TREML4: variants seen among roughly 807,000 people sequenced by gnomAD.
TREML4 encodes trem-like transcript 4 protein.
A neutral mutation model predicts 25.4 loss-of-function variants in TREML4; 25 were observed. The observed-to-expected ratio is 0.98, with a 90% confidence interval of 0.72 to 1.37. The LOEUF is 1.37. Ranked by LOEUF, TREML4 falls within the 40% of genes most tolerant of loss-of-function variation. TREML4 has a pLI of 0.00. For synonymous variants in TREML4, 92 were observed against 87.9 expected (o/e 1.05, Z -0.26); for missense variants, 268 against 236.5 (o/e 1.13, Z -0.87).
chr6:41,229,977 C>G, intron 3 of TREML4, 85 bp from the exon 4 acceptor site: 1 of 1,178,296 alleles, frequency 8.5e-7, no homozygotes, highest in Non-Finnish European at 1.3e-6. Context: ...GGCCCCTCTC[C>G]CCTTCCTCTC....
intron 4 of TREML4, among the ~76,000 whole-genome samples, chr6:41,232,211 G>T (rs1766813225): frequency 6.6e-6 from 1 of 152,212 alleles, no homozygotes. Flanking sequence ...GCCTCAGAAG[G>T]TTTGCCACAT....
At position 41,236,633 on chromosome 6, in the gene TREML4, T is replaced by A. The variant is rs1326460773; in HGVS notation, c.*35+16T>A. 5 of 1,456,846 alleles carry A rather than the reference T, an allele frequency of 3.4e-6. No homozygotes were observed. Among genetic ancestry groups the A allele is most frequent in the Middle Eastern group, 1.8e-4 (1 of 5,484 alleles). 90.2% of individuals were successfully genotyped at this position (1,456,846 alleles called of 1,614,324 possible). On this transcript the variant is annotated intron_variant, in intron 5 of 5. Coordinates refer to ENST00000341495, the MANE Select transcript of TREML4 (RefSeq NM_198153.3). Reference sequence around the variant, plus strand: ...GGTGCCACAGGTGAGGGGGCCTGGATTTCACCTGGGGGCAATGGAGCTGGG... The same window carrying A: ...GGTGCCACAGGTGAGGGGGCCTGGAATTCACCTGGGGGCAATGGAGCTGGG...
chr6:41,238,812 G>T lies in TREML4; in HGVS notation c.*1793G>T, dbSNP rs1188974429. The T allele has an allele frequency of 6.6e-6, 1 of 152,096 alleles. No individual in the cohort carries two copies. The highest frequency in any genetic ancestry group is 1.9e-4 in the East Asian group (1 of 5,196). The allele number at this position is 152,096 out of a possible 1,614,324, so 9.4% of individuals were successfully genotyped here. A position where few individuals can be genotyped will look rare whatever the true frequency, so the allele number is the denominator to read the frequency against. On this transcript the variant is annotated 3_prime_UTR_variant, in exon 6 of 6. Coordinates refer to ENST00000341495, the MANE Select transcript of TREML4 (RefSeq NM_198153.3). ...ACGTAGCTGAGTGATGCTACATGGGGCTAGATATATGATTATCTCTACTTT... is the reference window on the plus strand; with the variant it reads ...ACGTAGCTGAGTGATGCTACATGGGTCTAGATATATGATTATCTCTACTTT...
intron 4 of TREML4, 75 bp downstream of exon 4, chr6:41,230,197 C>A: frequency 7.9e-7 from 1 of 1,260,192 alleles, no homozygotes; most frequent in Non-Finnish European, 1.2e-6. Flanking sequence ...ACCTTGGAAT[C>A]AAGTCCAGGG....
rs1766901688 is a variant in TREML4, at chr6:41,236,384, C to T, written c.507-102C>T. The T allele has an allele frequency of 5.1e-6, 5 of 971,326 alleles. No homozygotes were observed. In the South Asian group the frequency reaches 7.3e-5, roughly 14 times the overall value. The allele number at this position is 971,326 out of a possible 1,614,324, so 60.2% of individuals were successfully genotyped here. Reference sequence around the variant, plus strand: ...TCATCGTTCAGGGTGGGCCCTTACGCAAACAGCTCCAGCTACAAGGGGCCT... The same window carrying T: ...TCATCGTTCAGGGTGGGCCCTTACGTAAACAGCTCCAGCTACAAGGGGCCT... On this transcript the variant is annotated intron_variant, in intron 4 of 5. Coordinates refer to ENST00000341495, the MANE Select transcript of TREML4 (RefSeq NM_198153.3).
In TREML4 at chr6:41,228,466, G is replaced by GTGCTGC. The variant is rs771284213; in HGVS notation, c.47_52dup (p.Cys16_Cys17dup). ...GGGTCCACACCTGCTGCTTCCACCT[G>GTGCTGC]TGCTGCTGCTGCTCCTGGCCTCAGG... On this transcript the variant is annotated inframe_insertion, in exon 1 of 6. Coordinates refer to ENST00000341495, the MANE Select transcript of TREML4 (RefSeq NM_198153.3). 6.2e-7 allele frequency: 1 copy of GTGCTGC among 1,613,032 alleles called. No homozygotes were observed. Among genetic ancestry groups the GTGCTGC allele is most frequent in the East Asian group, 2.2e-5 (1 of 44,868 alleles).
rs186764212 is a variant in TREML4 at position 41,229,402 on chromosome 6, C to T, written c.395-119C>T. The T allele has an allele frequency of 2.2e-3, 2,371 of 1,080,288 alleles. 7 individuals are homozygous for T. The highest frequency in any genetic ancestry group is 2.6e-3 in the Non-Finnish European group (1,814 of 699,376). The allele number at this position is 1,080,288 out of a possible 1,614,324, so 66.9% of individuals were successfully genotyped here. On this transcript the variant is annotated intron_variant, in intron 2 of 5. Transcript: ENST00000341495. ...ATGCAGATCTTAGGCACAGACCACTCCTGGCTTAAGACATCCTGAGGGTCT... is the reference window on the plus strand; with the variant it reads ...ATGCAGATCTTAGGCACAGACCACTTCTGGCTTAAGACATCCTGAGGGTCT...
chr6:41,229,478 C>T (rs776541080), intron 2 of TREML4, 43 bp from the exon 3 acceptor site: 1 of 1,607,524 alleles, frequency 6.2e-7, no homozygotes, highest in South Asian at 1.1e-5. Context: ...CTACTCTCTT[C>T]TGGGCCCCTG....
chr6:41,229,173 C>A, intron 2 of TREML4, 129 bp downstream of exon 2: 2 of 817,952 alleles, frequency 2.4e-6, no homozygotes, highest in Non-Finnish European at 1.9e-6. Context: ...CCAAGGGGAG[C>A]AAAGATCCTG....
rs1561901135 is a variant in TREML4 at position 41,229,532 on chromosome 6, T to A, written c.406T>A (p.Ser136Thr). 1 of 1,613,680 alleles carries A rather than the reference T, an allele frequency of 6.2e-7. No homozygotes were observed. The highest frequency in any genetic ancestry group is 8.5e-7 in the Non-Finnish European group (1 of 1,179,846). Residue 136 changes from serine to threonine, a missense_variant, in exon 3 of 6, where the codon TCT (serine) becomes ACT (threonine). Physicochemically the swap from Ser to Thr is moderately conservative, Grantham distance 58. Coordinates refer to ENST00000341495, the MANE Select transcript of TREML4 (RefSeq NM_198153.3). ...TCTTTTCTCTTTAGCCCCAACCACG[T>A]CTCCTATGTGGACTCTTCCCTGGCT... ...SLVVSPAPTT[S>T]PMWTLPWLPT...
At chr6:41,231,085 A>T (rs757183245) in intron 4 of TREML4, 6 of 444,324 alleles carry the variant, frequency 1.4e-5, no homozygotes, top group South Asian at 9.6e-5. Flanking sequence ...AGATGGGACC[A>T]CCCAGTTGTA....
chr6:41,237,284 A>G lies in TREML4; in HGVS notation c.*265A>G, dbSNP rs865985756. 6.5e-6 allele frequency: 1 copy of G among 152,996 alleles called. No homozygotes were observed. Among genetic ancestry groups the G allele is most frequent in the African/African-American group, 2.4e-5 (1 of 41,428 alleles). The allele number at this position is 152,996 out of a possible 1,614,324, so 9.5% of individuals were successfully genotyped here. ...CCCGGTGGTGACCCCTCACCCCTGCACTGAGCCCCCTTAGATCTACTGCCC... is the reference window on the plus strand; with the variant it reads ...CCCGGTGGTGACCCCTCACCCCTGCGCTGAGCCCCCTTAGATCTACTGCCC... On this transcript the variant is annotated 3_prime_UTR_variant, in exon 6 of 6. Coordinates refer to ENST00000341495, the MANE Select transcript of TREML4 (RefSeq NM_198153.3).
At chr6:41,230,219 C>T in intron 4 of TREML4, 97 bp downstream of exon 4, 1 of 1,029,936 alleles carries the variant, frequency 9.7e-7, no homozygotes, top group East Asian at 2.4e-5. Flanking sequence ...ACCCAGGGAT[C>T]CTTCTCTGGT....
intron 5 of TREML4, among the ~76,000 whole-genome samples, 184 bp from the exon 6 acceptor site, chr6:41,236,871 C>A (rs1766915407): frequency 6.7e-6 from 1 of 149,192 alleles, no homozygotes; most frequent in East Asian, 2.0e-4. Context: ...ACCAGGAGGA[C>A]AAAGCTGAGA....
At position 41,228,391 on chromosome 6, in the gene TREML4, TC is replaced by T. The variant is rs1766717971; in HGVS notation, c.-35del. ...CCTCCTGAGAGGGCTCCCTTTTTTC[TC>T]CTCTCCTCCGCTGTCAGAAACAGAT... On this transcript the variant is annotated 5_prime_UTR_variant, in exon 1 of 6. Transcript: ENST00000341495. The T allele has an allele frequency of 6.5e-7, 1 of 1,545,332 alleles. No homozygotes were observed. The highest frequency in any genetic ancestry group is 1.4e-5 in the African/African-American group (1 of 72,840).
At position 41,228,378 on chromosome 6, in the gene TREML4, G is replaced by T; in HGVS notation, c.-50G>T. 2 of 1,433,568 alleles carry T rather than the reference G, an allele frequency of 1.4e-6. No homozygotes were observed. Among genetic ancestry groups the T allele is most frequent in the Non-Finnish European group, 1.9e-6 (2 of 1,044,796 alleles). The allele number at this position is 1,433,568 out of a possible 1,614,324, so 88.8% of individuals were successfully genotyped here. On this transcript the variant is annotated 5_prime_UTR_variant, in exon 1 of 6. Transcript: ENST00000341495. The stretch of plus-strand genomic sequence containing the variant: ...CCAGCGTCTGACTCCTCCTGAGAGG[G>T]CTCCCTTTTTTCTCCTCTCCTCCGC...
chr6:41,234,288 G>A (rs574641516), intron 4 of TREML4, among the ~76,000 whole-genome samples: 1 of 152,082 alleles, frequency 6.6e-6, no homozygotes, highest in African/African-American at 2.4e-5. Context: ...ATATCAAAAA[G>A]TATGAGGCAT....
chr6:41,234,397 C>T (rs527821384), intron 4 of TREML4, among the ~76,000 whole-genome samples: 17 of 151,778 alleles, frequency 1.1e-4, no homozygotes, highest in Admixed American at 1.3e-4. Flanking sequence ...GAAGATGGAA[C>T]ACGAGCATCA....
chr6:41,231,174 T>G (rs779688472), intron 4 of TREML4: 1 of 341,146 alleles, frequency 2.9e-6, no homozygotes, highest in South Asian at 2.2e-5. Context: ...TACAACATGA[T>G]AATAATAGAA....
Sources: gnomAD v4.1 joint callset for allele counts (sites outside exome capture counted in the v4.1 genomes callset) on GRCh38, gnomAD v4.1.1 for gene constraint, MANE v1.5 for transcripts, NCBI Gene and HGNC (gene_info 2026-07-23, HGNC 2026-07-21) for gene names.